Variants in FAM227B observed in about 807,000 individuals in gnomAD.
The protein encoded by FAM227B is protein FAM227B.
Under a neutral mutation model 73.8 loss-of-function variants are expected in FAM227B, and 88 were observed. The observed-to-expected ratio is 1.19, with a 90% CI of 1.00 to 1.42. The LOEUF (loss-of-function observed/expected upper bound fraction) is 1.42. Ranked by LOEUF, FAM227B falls within the 40% of genes most tolerant of loss-of-function variation. The probability of loss-of-function intolerance (pLI) is 0.00; values close to 1 mark genes in which losing one functional copy is unlikely to be tolerated. For synonymous variants in FAM227B, 210 were observed against 190.5 expected (o/e 1.10, Z -0.84); for missense variants, 632 against 590.9 (o/e 1.07, Z -0.72).
chr15:49,532,169 G>A (rs1192900386), intron 10 of FAM227B, among the ~76,000 whole-genome samples: 1 of 151,200 alleles, frequency 6.6e-6, no homozygotes, highest in East Asian at 1.9e-4. Flanking sequence ...TGGCTTGGGA[G>A]CACACTGATG....
intron 11 of FAM227B, chr15:49,396,031 T>A (rs1322672440): frequency 2.2e-6 from 1 of 454,114 alleles, no homozygotes; most frequent in Admixed American, 2.4e-5. Flanking sequence ...GGTCTACAGC[T>A]CCCAGCGTGA....
intron 3 of FAM227B, among the ~76,000 whole-genome samples, chr15:49,605,691 C>A (rs1452955580): frequency 6.6e-6 from 1 of 151,660 alleles, no homozygotes; most frequent in South Asian, 2.1e-4. Flanking sequence ...TGGAGTGGAC[C>A]TGAAGTCTGA....
Position 49,535,825 on chromosome 15 carries a change from T to C in FAM227B, c.874+5855A>G, listed in dbSNP as rs559350304. Among the ~76,000 whole-genome samples, 7 of 151,984 alleles carry C rather than the reference T, an allele frequency of 4.6e-5. No homozygotes were observed. The East Asian group carries it at 7.7e-4, about 17-fold the overall frequency. On this transcript the variant is annotated intron_variant, in intron 10 of 15. Transcript: ENST00000299338. Reference sequence around the variant, plus strand: ...CAGTTATGATAGCCTCATGATCATATTAATTGATGCAAAAAAAGCATTTGA... The same window carrying C: ...CAGTTATGATAGCCTCATGATCATACTAATTGATGCAAAAAAAGCATTTGA...
At chr15:49,550,014 AC>A (rs1300847348) in intron 9 of FAM227B, among the ~76,000 whole-genome samples, 6 of 72,046 alleles carry the variant, frequency 8.3e-5, no homozygotes, top group Non-Finnish European at 1.4e-4. Flanking sequence ...CAGGGGGCTG[AC>A]CCCCCCACCT....
chr15:49,374,797 G>A (rs1006100209), intron 11 of FAM227B, among the ~76,000 whole-genome samples: 1 of 152,170 alleles, frequency 6.6e-6, no homozygotes, highest in Non-Finnish European at 1.5e-5. Flanking sequence ...TCCTACCTTG[G>A]CTTCCCAAAG....
At position 49,327,745 on chromosome 15, in the gene FAM227B, G is replaced by C. The variant is rs562289166; in HGVS notation, c.*823C>G. On this transcript the variant is annotated 3_prime_UTR_variant, in exon 16 of 16. Coordinates refer to ENST00000299338, the MANE Select transcript of FAM227B (RefSeq NM_152647.3). ...CTTACCACTTGGAGTCAAAACCAGG[G>C]ACTAGATTTAGATACAATGAAAAAA... The C allele has an allele frequency of 1.6e-5, 7 of 439,010 alleles. No homozygotes were observed. Among genetic ancestry groups the C allele is most frequent in the Non-Finnish European group, 2.8e-5 (7 of 250,670 alleles). The allele number at this position is 439,010 out of a possible 1,614,324, so 27.2% of individuals were successfully genotyped here.
At chr15:49,407,523 T>TTGCC (rs2048596197) in intron 11 of FAM227B, among the ~76,000 whole-genome samples, 1 of 152,128 alleles carries the variant, frequency 6.6e-6, no homozygotes, top group African/African-American at 2.4e-5. Context: ...GTCTGCCATC[T>TTGCC]TGCCCTCTCC....
chr15:49,610,372 CTAAGAA>C (rs1453261405), intron 3 of FAM227B, among the ~76,000 whole-genome samples: 1 of 136,340 alleles, frequency 7.3e-6, no homozygotes, highest in African/African-American at 2.7e-5. Context: ...ACTTTTATGA[CTAAGAA>C]TGTTTTCATC....
At chr15:49,521,301 C>T (rs1006789611) in intron 10 of FAM227B, among the ~76,000 whole-genome samples, 32 of 152,166 alleles carry the variant, frequency 2.1e-4, no homozygotes, top group Non-Finnish European at 4.1e-4. Context: ...GCATGGGCTG[C>T]CCCAAGGAAA....
At chr15:49,422,570 TA>T in intron 11 of FAM227B, 1 of 1,317,120 alleles carries the variant, frequency 7.6e-7, no homozygotes, top group Non-Finnish European at 1.0e-6. Context: ...CACAGAATTG[TA>T]AAGCACCATA....
intron 9 of FAM227B, among the ~76,000 whole-genome samples, chr15:49,542,043 C>T (rs1241352648): frequency 6.6e-6 from 1 of 152,050 alleles, no homozygotes; most frequent in Non-Finnish European, 1.5e-5. Flanking sequence ...CTCTCCACTC[C>T]CTCCAACCAC....
chr15:49,504,544 C>G (rs1360245249), intron 11 of FAM227B, among the ~76,000 whole-genome samples: 1 of 152,156 alleles, frequency 6.6e-6, no homozygotes, highest in African/African-American at 2.4e-5. Context: ...AGGTCCCACC[C>G]TAGACCCACT....
At chr15:49,531,099 T>A (rs2060574454) in intron 10 of FAM227B, among the ~76,000 whole-genome samples, 1 of 71,970 alleles carries the variant, frequency 1.4e-5, no homozygotes, top group African/African-American at 7.3e-5. Context: ...TTTAAACTAA[T>A]AATTAAATTA....
intron 10 of FAM227B, among the ~76,000 whole-genome samples, chr15:49,516,762 G>A (rs1369774041): frequency 1.3e-5 from 2 of 152,008 alleles, no homozygotes; most frequent in Non-Finnish European, 2.9e-5. Context: ...AATATGTCTT[G>A]TTATATGGTG....
intron 11 of FAM227B, among the ~76,000 whole-genome samples, chr15:49,502,303 C>T (rs190309568): frequency 6.6e-6 from 1 of 152,352 alleles, no homozygotes; most frequent in East Asian, 1.9e-4. Flanking sequence ...GCCACAGACA[C>T]TCAATAACCT....
intron 10 of FAM227B, among the ~76,000 whole-genome samples, chr15:49,524,559 C>T (rs968660351): frequency 6.6e-6 from 1 of 152,210 alleles, no homozygotes; most frequent in African/African-American, 2.4e-5. Flanking sequence ...CCCACAGAGT[C>T]CCTATTGGGG....
intron 2 of FAM227B, among the ~76,000 whole-genome samples, chr15:49,614,099 C>A (rs543031105): frequency 3.0e-4 from 46 of 152,098 alleles, no homozygotes; most frequent in South Asian, 6.3e-4. Context: ...AAGTACAAAG[C>A]ACCAAAAATA....
At chr15:49,336,836 G>A (rs1423016590) in intron 13 of FAM227B, among the ~76,000 whole-genome samples, 1 of 152,138 alleles carries the variant, frequency 6.6e-6, no homozygotes, top group African/African-American at 2.4e-5. Context: ...ATGATAGATA[G>A]TTTTTCAACA....
At chr15:49,417,572 A>G (rs973499454) in intron 11 of FAM227B, among the ~76,000 whole-genome samples, 4 of 152,188 alleles carry the variant, frequency 2.6e-5, no homozygotes, top group Non-Finnish European at 5.9e-5. Flanking sequence ...CAATGAAGAA[A>G]TAACTCCCTA....
Sources: allele counts gnomAD v4.1 joint callset (sites outside exome capture counted in the v4.1 genomes callset), GRCh38; gene constraint gnomAD v4.1.1; transcripts MANE v1.5; gene names NCBI Gene and HGNC (gene_info 2026-07-23, HGNC 2026-07-21).